ROR1: variants seen among roughly 807,000 people sequenced by gnomAD.
ROR1 encodes ROR family WNT receptor 1, also known as inactive tyrosine-protein kinase transmembrane receptor ROR1.
ROR1 carries 19 observed loss-of-function variants against 78.8 expected under a neutral mutation model. The ratio of observed to expected loss-of-function variants is 0.24; its 90% confidence interval spans 0.17 to 0.35. The LOEUF is 0.35. Ranked by LOEUF, ROR1 falls within the 10% of genes least tolerant of loss-of-function variation. The pLI, the probability that ROR1 is intolerant of heterozygous loss-of-function variation, is 1.00. For missense variants in ROR1, 917 were observed against 1,177.8 expected, an observed-to-expected ratio of 0.78 and a Z score of 3.24; for synonymous variants, 386 against 433.6, an observed-to-expected ratio of 0.89 and a Z score of 1.36.
At chr1:64,134,961 C>T (rs1222529126) in intron 4 of ROR1, among the ~76,000 whole-genome samples, 1 of 152,068 alleles carries the variant, frequency 6.6e-6, no homozygotes, top group Admixed American at 6.5e-5. Context: ...GTTGACTAGG[C>T]TGGTCTTGAA....
chr1:64,008,597 G>A (rs887150182), intron 1 of ROR1, among the ~76,000 whole-genome samples: 11 of 152,034 alleles, frequency 7.2e-5, no homozygotes, highest in African/African-American at 2.4e-4. Flanking sequence ...TTAGCATTCC[G>A]TTTTCTCTGC....
chr1:63,823,858 C>T (rs887764253), intron 1 of ROR1, among the ~76,000 whole-genome samples: 7 of 152,020 alleles, frequency 4.6e-5, no homozygotes, highest in Non-Finnish European at 8.8e-5. Context: ...AGCCATTCTC[C>T]TGTCTCAGCC....
chr1:63,905,832 T>C (rs1645523754), intron 1 of ROR1, among the ~76,000 whole-genome samples: 1 of 152,088 alleles, frequency 6.6e-6, no homozygotes, highest in Non-Finnish European at 1.5e-5. Context: ...ATAAGAAAAA[T>C]GCGAAAATTT....
intron 7 of ROR1, among the ~76,000 whole-genome samples, chr1:64,148,830 C>T (rs1649544194): frequency 6.6e-6 from 1 of 152,180 alleles, no homozygotes; most frequent in Non-Finnish European, 1.5e-5. Flanking sequence ...CAAGACCTGG[C>T]TTCTCATCCT....
chr1:63,993,366 A>G (rs1002554827), intron 1 of ROR1, among the ~76,000 whole-genome samples: 2 of 152,210 alleles, frequency 1.3e-5, no homozygotes, highest in Admixed American at 1.3e-4. Context: ...ATGGTATAGA[A>G]TTTTAAGAGT....
In ROR1 at chr1:64,140,437, G is replaced by A. The variant is rs1436360734; in HGVS notation, c.928+11G>A. ...ATCCTATAAATAAAAGTAAGTGGTA[G>A]CCCCTGACCTTCTGTGCTCTTCTAA... On this transcript the variant is annotated intron_variant, in intron 6 of 8. Transcript: ENST00000371079. 6.2e-7 allele frequency: 1 copy of A among 1,610,356 alleles called. No individual in the cohort carries two copies. The highest frequency in any genetic ancestry group is 1.3e-5 in the African/African-American group (1 of 74,788).
chr1:64,157,562 A>G (rs928985526), intron 7 of ROR1, among the ~76,000 whole-genome samples: 3 of 152,200 alleles, frequency 2.0e-5, no homozygotes, highest in East Asian at 1.9e-4. Flanking sequence ...TGAATAACTG[A>G]TATGCCATAT....
chr1:64,031,243 T>G (rs1209545992), intron 2 of ROR1, among the ~76,000 whole-genome samples: 1 of 152,192 alleles, frequency 6.6e-6, no homozygotes, highest in Non-Finnish European at 1.5e-5. Flanking sequence ...TTGACTTGGT[T>G]CTGACCAGTA....
chr1:63,969,260 C>T (rs533594159), intron 1 of ROR1, among the ~76,000 whole-genome samples: 1 of 152,318 alleles, frequency 6.6e-6, no homozygotes, highest in Non-Finnish European at 1.5e-5. Flanking sequence ...GAGATGCAGA[C>T]AAGATATTTC....
rs111883263 is a variant in ROR1, at chr1:63,892,797, C to T, written c.92-116508C>T. 8.4e-3 allele frequency among the ~76,000 whole-genome samples: 1,282 copies of T among 152,208 alleles called. 14 individuals carry two copies. The highest frequency in any genetic ancestry group is 0.029 in the African/African-American group (1,206 of 41,534). On this transcript the variant is annotated intron_variant, in intron 1 of 8. Transcript: ENST00000371079. ...AGAGTGGAGGGAGTAGGACTTGAGGCCCTTCTAGCTATGCAGTCTGTGATT... is the reference window on the plus strand; with the variant it reads ...AGAGTGGAGGGAGTAGGACTTGAGGTCCTTCTAGCTATGCAGTCTGTGATT...
chr1:64,103,183 G>A (rs1031059718), intron 4 of ROR1, among the ~76,000 whole-genome samples: 2 of 152,268 alleles, frequency 1.3e-5, no homozygotes, highest in South Asian at 2.1e-4. Flanking sequence ...CTGACTTGGC[G>A]ATGTGGGCTC....
chr1:63,823,866 G>C (rs1245930814), intron 1 of ROR1, among the ~76,000 whole-genome samples: 1 of 151,720 alleles, frequency 6.6e-6, no homozygotes, highest in Non-Finnish European at 1.5e-5. Flanking sequence ...TCCTGTCTCA[G>C]CCTCTCTAGT....
intron 7 of ROR1, among the ~76,000 whole-genome samples, chr1:64,155,315 G>A (rs766918097): frequency 1.3e-5 from 2 of 152,204 alleles, no homozygotes; most frequent in East Asian, 3.9e-4. Flanking sequence ...GATTTTCAGA[G>A]CCAGCAGAGA....
chr1:63,783,305 C>T (rs1270995780), intron 1 of ROR1, among the ~76,000 whole-genome samples: 1 of 152,152 alleles, frequency 6.6e-6, no homozygotes, highest in African/African-American at 2.4e-5. Context: ...TTGTGCATTT[C>T]AGGGCTGCTT....
chr1:63,893,068 T>C (rs1309418266), intron 1 of ROR1, among the ~76,000 whole-genome samples: 1 of 152,200 alleles, frequency 6.6e-6, no homozygotes, highest in Non-Finnish European at 1.5e-5. Context: ...AGGGTGCGGT[T>C]TCCCTGTCTC....
At chr1:63,904,528 C>A (rs1039941410) in intron 1 of ROR1, among the ~76,000 whole-genome samples, 6 of 152,192 alleles carry the variant, frequency 3.9e-5, no homozygotes, top group Non-Finnish European at 7.3e-5. Context: ...CTAACAGCAA[C>A]TTTAAACCAG....
intron 2 of ROR1, among the ~76,000 whole-genome samples, chr1:64,027,774 G>A (rs1454315867): frequency 6.0e-5 from 9 of 150,808 alleles, no homozygotes; most frequent in Non-Finnish European, 1.5e-5. Context: ...TGCAATCTCT[G>A]CCTCCCAGGT....
At chr1:63,832,659 A>G (rs1014605274) in intron 1 of ROR1, among the ~76,000 whole-genome samples, 2 of 152,262 alleles carry the variant, frequency 1.3e-5, no homozygotes, top group Admixed American at 1.3e-4. Flanking sequence ...AAGCACAGTC[A>G]GTGCTGCTAT....
chr1:64,157,164 G>A lies in ROR1; in HGVS notation c.1175-1817G>A, dbSNP rs192816911. ...TTTTGTTTTGTTTTTTTGAGACAAGGTCTCACTCTGTCACCCAGGCTGGAG... is the reference window on the plus strand; with the variant it reads ...TTTTGTTTTGTTTTTTTGAGACAAGATCTCACTCTGTCACCCAGGCTGGAG... On this transcript the variant is annotated intron_variant, in intron 7 of 8. Coordinates refer to ENST00000371079, the MANE Select transcript of ROR1 (RefSeq NM_005012.4). 1.5e-3 allele frequency among the ~76,000 whole-genome samples: 225 copies of A among 152,172 alleles called. 1 individual carries two copies. Among genetic ancestry groups the A allele is most frequent in the African/African-American group, 5.1e-3 (213 of 41,522 alleles).
Sources: allele counts gnomAD v4.1 joint callset (sites outside exome capture counted in the v4.1 genomes callset), GRCh38; gene constraint gnomAD v4.1.1; transcripts MANE v1.5; gene names NCBI Gene and HGNC (gene_info 2026-07-23, HGNC 2026-07-21).